ELP4: variants seen among roughly 807,000 people sequenced by gnomAD.
The protein encoded by ELP4 is elongator complex protein 4.
In ELP4, 51 loss-of-function variants were observed where a neutral mutation model predicts 48.9. The observed-to-expected ratio is 1.04, with a 90% CI of 0.83 to 1.32. The LOEUF is 1.32. Ranked by LOEUF, ELP4 falls within the 40% of genes most tolerant of loss-of-function variation. The probability of loss-of-function intolerance (pLI) is 0.00; values close to 1 mark genes in which losing one functional copy is unlikely to be tolerated. For synonymous variants in ELP4, 210 were observed against 189.2 expected (o/e 1.11, Z -0.90); for missense variants, 519 against 514.6 (o/e 1.01, Z -0.08).
At chr11:31,633,925 G>A (rs1025835532) in intron 7 of ELP4, 4 of 151,988 alleles carry the variant, frequency 2.6e-5, no homozygotes, top group African/African-American at 9.7e-5. Flanking sequence ...TTAATAAGTA[G>A]CAGGCCAGTG....
At chr11:31,592,419 G>T (rs905406628) in intron 3 of ELP4, among the ~76,000 whole-genome samples, 2 of 151,724 alleles carry the variant, frequency 1.3e-5, no homozygotes. Flanking sequence ...GCATGTGCCT[G>T]TAGTCCCATC....
Position 31,789,912 on chromosome 11 carries a change from C to CTTT in ELP4, c.*6409_*6411dup, listed in dbSNP as rs759391101. 9.9e-4 allele frequency: 1,035 copies of CTTT among 1,044,516 alleles called. 2 individuals carry two copies. Among genetic ancestry groups the CTTT allele is most frequent in the African/African-American group, 3.3e-3 (151 of 46,348 alleles). The allele number at this position is 1,044,516 out of a possible 1,614,324, so 64.7% of individuals were successfully genotyped here. Reference sequence around the variant, plus strand: ...CTGAATTAACACAATATTTCCTTTCCTTTTTTTTTTTTTTTTTTTTTTTAC... The same window carrying CTTT: ...CTGAATTAACACAATATTTCCTTTCCTTTTTTTTTTTTTTTTTTTTTTTTTTAC... On this transcript the variant is annotated 3_prime_UTR_variant, in exon 10 of 10. Transcript: ENST00000640961.
intron 3 of ELP4, among the ~76,000 whole-genome samples, chr11:31,567,776 AT>A (rs956604763): frequency 6.6e-6 from 1 of 152,264 alleles, no homozygotes; most frequent in African/African-American, 2.4e-5. Context: ...GTGCAATAGC[AT>A]TATGACTAAA....
intron 9 of ELP4, among the ~76,000 whole-genome samples, chr11:31,655,454 T>C (rs752189962): frequency 6.6e-6 from 1 of 151,944 alleles, no homozygotes; most frequent in Non-Finnish European, 1.5e-5. Context: ...TTGGGCCAAT[T>C]AGTGAACCCC....
intron 1 of ELP4, chr11:31,511,714 T>G (rs1424143920): frequency 6.6e-6 from 1 of 152,216 alleles, no homozygotes; most frequent in African/African-American, 2.4e-5. Flanking sequence ...GACCATTTAT[T>G]GAACCTCGGA....
At chr11:31,690,364 A>G (rs1317216038) in intron 9 of ELP4, among the ~76,000 whole-genome samples, 1 of 152,114 alleles carries the variant, frequency 6.6e-6, no homozygotes, top group Non-Finnish European at 1.5e-5. Flanking sequence ...GAGAGGGAGC[A>G]CGCACAGTGC....
chr11:31,546,019 G>A lies in ELP4; in HGVS notation c.381+6236G>A, dbSNP rs532793831. 3.9e-3 allele frequency among the ~76,000 whole-genome samples: 599 copies of A among 152,124 alleles called. 6 individuals carry two copies. The highest frequency in any genetic ancestry group is 0.014 in the African/African-American group (572 of 41,488). On this transcript the variant is annotated intron_variant, in intron 3 of 9. Transcript: ENST00000640961. ...TGGAAAGGAACAACCGGTACCAGCT[G>A]CTGCAAAATCATGCCAAAATGTAAA... is the stretch of plus-strand genomic sequence containing the variant.
At chr11:31,721,006 C>T (rs1433320431) in intron 9 of ELP4, among the ~76,000 whole-genome samples, 2 of 152,174 alleles carry the variant, frequency 1.3e-5, no homozygotes, top group Non-Finnish European at 2.9e-5. Flanking sequence ...TCAAAATGTG[C>T]CTTACTCCCT....
rs530936268 is a variant in ELP4, at chr11:31,530,813, T to C, written c.260-8849T>C. On this transcript the variant is annotated intron_variant, in intron 2 of 9. Coordinates refer to ENST00000640961, the MANE Select transcript of ELP4 (RefSeq NM_019040.5). ...CACATACTTTCAGCTCCCTTCACCA[T>C]CACTGTTTTTGAAGATGCTTTAGTT... Among the ~76,000 whole-genome samples, 67 of 152,272 alleles carry C rather than the reference T, an allele frequency of 4.4e-4. 1 individual carries two copies. The highest frequency in any genetic ancestry group is 1.6e-3 in the African/African-American group (66 of 41,574).
At position 31,768,738 on chromosome 11, in the gene ELP4, A is replaced by G. The variant is rs566765708; in HGVS notation, c.1144-14655A>G. ...CCAGGAAATCAGCCTGCTTCAAAAA[A>G]CCATTAAAGTGTGCCTATCCCTCAA... On this transcript the variant is annotated intron_variant, in intron 9 of 9. Coordinates refer to ENST00000640961, the MANE Select transcript of ELP4 (RefSeq NM_019040.5). Among the ~76,000 whole-genome samples the G allele has an allele frequency of 3.9e-5, 6 of 152,316 alleles. No individual in the cohort carries two copies. The South Asian group carries it at 1.2e-3, about 32-fold the overall frequency.
chr11:31,510,225 A>G (rs1281064769), intron 1 of ELP4: 11 of 578,600 alleles, frequency 1.9e-5, no homozygotes, highest in South Asian at 4.5e-5. Flanking sequence ...TCTCTATTTC[A>G]TTCCCTGCCC....
At chr11:31,548,536 A>G (rs1723359287) in intron 3 of ELP4, among the ~76,000 whole-genome samples, 1 of 152,206 alleles carries the variant, frequency 6.6e-6, no homozygotes, top group Non-Finnish European at 1.5e-5. Flanking sequence ...GGAAGAATCA[A>G]TATCGTGAAA....
intron 9 of ELP4, among the ~76,000 whole-genome samples, chr11:31,716,337 G>A (rs1010251382): frequency 3.3e-5 from 5 of 152,146 alleles, no homozygotes; most frequent in Non-Finnish European, 5.9e-5. Context: ...TGAGGATAAT[G>A]AGTAGCAGTA....
At chr11:31,532,506 C>A (rs369699387) in intron 2 of ELP4, among the ~76,000 whole-genome samples, 1 of 152,026 alleles carries the variant, frequency 6.6e-6, no homozygotes, top group Admixed American at 6.6e-5. Flanking sequence ...CTTCATTACT[C>A]ATAAATCACT....
intron 3 of ELP4, among the ~76,000 whole-genome samples, chr11:31,570,279 C>T (rs185271486): frequency 1.3e-5 from 2 of 152,116 alleles, no homozygotes; most frequent in African/African-American, 4.8e-5. Context: ...CATATGTTCT[C>T]ATTTATAAGT....
At chr11:31,682,603 G>C (rs900496107) in intron 9 of ELP4, among the ~76,000 whole-genome samples, 9 of 152,072 alleles carry the variant, frequency 5.9e-5, no homozygotes, top group Non-Finnish European at 2.9e-5. Flanking sequence ...AGCTCAAGTT[G>C]AGTAAGTATA....
At chr11:31,725,842 G>T (rs1947064317) in intron 9 of ELP4, among the ~76,000 whole-genome samples, 1 of 152,156 alleles carries the variant, frequency 6.6e-6, no homozygotes, top group Non-Finnish European at 1.5e-5. Context: ...TGTTGCCAGG[G>T]ATGGGTCCAT....
intron 4 of ELP4, 55 bp downstream of exon 4, chr11:31,594,956 TAC>T: frequency 6.8e-7 from 1 of 1,474,322 alleles, no homozygotes; most frequent in East Asian, 2.5e-5. Flanking sequence ...GTTTTCATCT[TAC>T]AGAATCTCTT....
chr11:31,694,565 G>A (rs1946357833), intron 9 of ELP4, among the ~76,000 whole-genome samples: 1 of 152,256 alleles, frequency 6.6e-6, no homozygotes, highest in East Asian at 1.9e-4. Context: ...GGTTACTGTA[G>A]CCTTGTAGCA....
Sources: allele counts gnomAD v4.1 joint callset (sites outside exome capture counted in the v4.1 genomes callset), GRCh38; gene constraint gnomAD v4.1.1; transcripts MANE v1.5; gene names NCBI Gene and HGNC (gene_info 2026-07-23, HGNC 2026-07-21).